Variants in HNRNPUL1 observed in about 807,000 individuals in gnomAD.
HNRNPUL1 encodes the protein heterogeneous nuclear ribonucleoprotein U-like protein 1.
HNRNPUL1 carries 14 observed loss-of-function variants against 108.5 expected under a neutral mutation model. The observed-to-expected ratio is 0.13, with a 90% confidence interval of 0.09 to 0.20. The LOEUF (loss-of-function observed/expected upper bound fraction) is 0.20, where lower values mean the gene tolerates loss of function less well. HNRNPUL1 is among the 10% of genes least tolerant of loss of function. HNRNPUL1 has a pLI of 1.00. For missense variants in HNRNPUL1, 804 were observed against 1,168.3 expected (o/e 0.69, Z 4.55); for synonymous variants, 422 against 445.2 (o/e 0.95, Z 0.66).
At chr19:41,290,753 C>T (rs2122786648) in intron 7 of HNRNPUL1, among the ~76,000 whole-genome samples, 1 of 152,222 alleles carries the variant, frequency 6.6e-6, no homozygotes, top group East Asian at 1.9e-4. Context: ...TGAAGCCATC[C>T]ACCTTCTAAA....
chr19:41,305,965 GAC>G, intron 14 of HNRNPUL1, 98 bp downstream of exon 14: 1 of 839,094 alleles, frequency 1.2e-6, no homozygotes, highest in South Asian at 1.7e-5. Context: ...TCCCTAAAAA[GAC>G]AGCCTGCTGG....
chr19:41,296,809 C>G (rs1762640602), intron 10 of HNRNPUL1, among the ~76,000 whole-genome samples: 1 of 152,228 alleles, frequency 6.6e-6, no homozygotes, highest in Admixed American at 6.5e-5. Flanking sequence ...CCCTGCAGTT[C>G]CTGGATCTCA....
At chr19:41,269,940 A>G (rs1484458425) in intron 2 of HNRNPUL1, among the ~76,000 whole-genome samples, 3 of 151,720 alleles carry the variant, frequency 2.0e-5, no homozygotes, top group Admixed American at 2.0e-4. Context: ...TAAAAAATAA[A>G]AATATTACCT....
chr19:41,290,215 C>T (rs918713126), intron 7 of HNRNPUL1, among the ~76,000 whole-genome samples: 7 of 152,110 alleles, frequency 4.6e-5, no homozygotes, highest in South Asian at 2.1e-4. Context: ...GAAAGCGAAC[C>T]GTGTATTTTG....
intron 1 of HNRNPUL1, among the ~76,000 whole-genome samples, chr19:41,266,419 G>C (rs1416184822): frequency 2.0e-5 from 3 of 152,068 alleles, no homozygotes; most frequent in Non-Finnish European, 4.4e-5. Flanking sequence ...GGCAACAAAA[G>C]TGAAACTCCG....
intron 2 of HNRNPUL1, among the ~76,000 whole-genome samples, chr19:41,270,046 G>A (rs1004052562): frequency 7.9e-5 from 12 of 151,922 alleles, no homozygotes; most frequent in Non-Finnish European, 1.3e-4. Flanking sequence ...GCGATGGCGC[G>A]ATCTCAGCTC....
chr19:41,280,087 C>G (rs1011696944), intron 6 of HNRNPUL1, among the ~76,000 whole-genome samples: 1 of 152,158 alleles, frequency 6.6e-6, no homozygotes, highest in Non-Finnish European at 1.5e-5. Context: ...TATCCTGGTC[C>G]ATAATTGCCT....
At chr19:41,281,838 G>A (rs1024099969) in intron 7 of HNRNPUL1, among the ~76,000 whole-genome samples, 8 of 152,168 alleles carry the variant, frequency 5.3e-5, no homozygotes, top group Non-Finnish European at 1.2e-4. Context: ...TCAGCTCTGG[G>A]CTGGACTCCC....
chr19:41,297,510 G>A (rs755336936), intron 10 of HNRNPUL1, among the ~76,000 whole-genome samples: 1 of 152,204 alleles, frequency 6.6e-6, no homozygotes, highest in Non-Finnish European at 1.5e-5. Context: ...TCTGTTGGAG[G>A]TGGGAAGCCT....
chr19:41,280,946 C>G, intron 6 of HNRNPUL1: 1 of 517,798 alleles, frequency 1.9e-6, no homozygotes, highest in Non-Finnish European at 3.5e-6. Flanking sequence ...TGAGCTCCTA[C>G]TCCCAGACTG....
At chr19:41,275,653 C>G (rs1330073614) in intron 4 of HNRNPUL1, among the ~76,000 whole-genome samples, 1 of 152,164 alleles carries the variant, frequency 6.6e-6, no homozygotes, top group African/African-American at 2.4e-5. Context: ...GTCATACAGG[C>G]CAATTTGCAA....
Position 41,279,079 on chromosome 19 carries a change from C to A in HNRNPUL1, c.789C>A (p.Ile263=), listed in dbSNP as rs764986623. The A allele has an allele frequency of 2.2e-5, 36 of 1,612,260 alleles. No individual in the cohort carries two copies. The East Asian group carries it at 3.1e-4, about 14-fold the overall frequency. Residue 263 remains isoleucine, a splice_region_variant and synonymous_variant, in exon 6 of 15, where the codon ATC becomes ATA. Transcript: ENST00000392006. ...RRGRVCFEMK[I]NEEISVKHLP... Reference sequence around the variant, plus strand: ...GCCCTTTTGTCCTCTTTCCTCAGATCAATGAGGAAATCTCCGTGAAGCACC... The same window carrying A: ...GCCCTTTTGTCCTCTTTCCTCAGATAAATGAGGAAATCTCCGTGAAGCACC...
chr19:41,265,490 C>A, intron 1 of HNRNPUL1: 1 of 1,046,902 alleles, frequency 9.6e-7, no homozygotes, highest in Non-Finnish European at 1.3e-6. Flanking sequence ...TCTTCCGGGG[C>A]TGGAAGGCCA....
chr19:41,273,417 C>T (rs1259381130), intron 3 of HNRNPUL1, among the ~76,000 whole-genome samples: 1 of 151,990 alleles, frequency 6.6e-6, no homozygotes. Flanking sequence ...TCCTGTACAG[C>T]AGAAACCAAC....
At chr19:41,298,101 A>G (rs1025905955) in intron 10 of HNRNPUL1, among the ~76,000 whole-genome samples, 2 of 152,156 alleles carry the variant, frequency 1.3e-5, no homozygotes, top group African/African-American at 4.8e-5. Context: ...TGCTGCCAGT[A>G]TGACCCTGGT....
At chr19:41,301,166 A>G (rs12974323) in intron 10 of HNRNPUL1, among the ~76,000 whole-genome samples, 31,244 of 152,170 alleles carry the variant, frequency 0.21, 3,591 homozygotes, top group East Asian at 0.34. Flanking sequence ...CTAAGGGAAC[A>G]CAGGGGTTTT....
At chr19:41,284,653 AAAAT>A (rs1021106475) in intron 7 of HNRNPUL1, among the ~76,000 whole-genome samples, 7 of 152,114 alleles carry the variant, frequency 4.6e-5, no homozygotes, top group East Asian at 1.9e-4. Flanking sequence ...ACTCTGTCTC[AAAAT>A]AAATAAATAA....
intron 10 of HNRNPUL1, among the ~76,000 whole-genome samples, chr19:41,300,457 C>CAGAAACGGAG (rs2037141696): frequency 6.6e-6 from 1 of 152,164 alleles, no homozygotes; most frequent in African/African-American, 2.4e-5. Context: ...TCCGTTTCTG[C>CAGAAACGGAG]TGAGTTCCTG....
chr19:41,281,698 T>A (rs1463445245), intron 7 of HNRNPUL1, among the ~76,000 whole-genome samples: 1 of 152,180 alleles, frequency 6.6e-6, no homozygotes, highest in Non-Finnish European at 1.5e-5. Context: ...TCACATTGGT[T>A]GAGCCAGGCT....
Sources: allele counts gnomAD v4.1 joint callset (sites outside exome capture counted in the v4.1 genomes callset), GRCh38; gene constraint gnomAD v4.1.1; transcripts MANE v1.5; gene names NCBI Gene and HGNC (gene_info 2026-07-23, HGNC 2026-07-21).